The following PDHB variants were observed in gnomAD, a reference collection of about 807,000 sequenced individuals.
PDHB encodes the protein pyruvate dehydrogenase E1 component subunit beta, mitochondrial.
A neutral mutation model predicts 42.8 loss-of-function variants in PDHB; 17 were observed. The ratio of observed to expected loss-of-function variants is 0.40; its 90% CI spans 0.27 to 0.60. The LOEUF (loss-of-function observed/expected upper bound fraction) is 0.60. Among genes scored for constraint, PDHB ranks in the 20% least tolerant of loss-of-function variants. The pLI, the probability that PDHB is intolerant of heterozygous loss-of-function variation, is 0.46. For missense variants in PDHB, 322 were observed against 451.3 expected, an observed-to-expected ratio of 0.71 and a Z score of 2.60; for synonymous variants, 154 against 148.7, an observed-to-expected ratio of 1.04 and a Z score of -0.26.
chr3:58,432,157 G>C, intron 2 of PDHB, 173 bp from the exon 3 acceptor site: 1 of 649,450 alleles, frequency 1.5e-6, no homozygotes, highest in Non-Finnish European at 2.8e-6. Context: ...ACACATAGTT[G>C]GTCTTTGCAT....
chr3:58,428,661 T>TA, intron 8 of PDHB, 47 bp from the exon 9 acceptor site: 1 of 1,506,440 alleles, frequency 6.6e-7, no homozygotes, highest in Non-Finnish European at 9.2e-7. Context: ...GCAGCACAAA[T>TA]AGAGCCTTAT....
chr3:58,428,072 C>T lies in PDHB; in HGVS notation c.1042G>A (p.Asp348Asn), dbSNP rs773256169. 2 of 1,610,020 alleles carry T rather than the reference C, an allele frequency of 1.2e-6. No individual in the cohort carries two copies. Among genetic ancestry groups the T allele is most frequent in the African/African-American group, 2.7e-5 (2 of 74,854 alleles). Residue 348 changes from aspartate to asparagine, a missense_variant, in exon 10 of 10, where the codon GAC (aspartate) becomes AAC (asparagine). Coordinates refer to ENST00000302746, the MANE Select transcript of PDHB (RefSeq NM_000925.4). ...GTTTTCTTTATTGCAAATATGATGT[C>T]TTTGACCTGAGGTATAGAGTTGTCC... ...LEDNSIPQVK[D>N]IIFAIKKTLN...
chr3:58,428,231 C>A (rs1203715579), intron 9 of PDHB, 52 bp from the exon 10 acceptor site: 1 of 1,558,808 alleles, frequency 6.4e-7, no homozygotes, highest in Non-Finnish European at 8.8e-7. Flanking sequence ...CTGGGCACTA[C>A]CACCTTGGCA....
At chr3:58,432,586 A>G (rs113153897) in intron 2 of PDHB, 2,775 of 160,924 alleles carry the variant, frequency 0.017, 83 homozygotes, top group African/African-American at 0.063. Flanking sequence ...AATCCCAGCT[A>G]CTCGGGAGGC....
At position 58,430,133 on chromosome 3, in the gene PDHB, C is replaced by T. The variant is rs2062907636; in HGVS notation, c.695G>A (p.Arg232Lys). The change falls in exon 7 of 10, where the codon AGG (arginine) becomes AAG (lysine). Residue 232 changes from arginine to lysine, a missense_variant. Transcript: ENST00000302746. Reference protein sequence around the residue: ...LIPIGKAKIERQGTHITVVSH... With the variant: ...LIPIGKAKIEKQGTHITVVSH... ...ATATATCTTAGTTTTCTTACCTTGCCTTTCTATTTTGGCTTTTCCAATAGG... is the reference window on the plus strand; with the variant it reads ...ATATATCTTAGTTTTCTTACCTTGCTTTTCTATTTTGGCTTTTCCAATAGG... 6.3e-7 allele frequency: 1 copy of T among 1,584,386 alleles called. No homozygotes were observed. The highest frequency in any genetic ancestry group is 1.1e-5 in the South Asian group (1 of 90,298).
chr3:58,432,176 G>A, intron 2 of PDHB, 192 bp from the exon 3 acceptor site: 1 of 616,338 alleles, frequency 1.6e-6, no homozygotes, highest in East Asian at 2.9e-5. Flanking sequence ...ATGTGTTAAT[G>A]TACTGAGTGC....
At chr3:58,429,027 G>GT (rs1231896203) in intron 8 of PDHB, among the ~76,000 whole-genome samples, 1 of 152,094 alleles carries the variant, frequency 6.6e-6, no homozygotes, top group Non-Finnish European at 1.5e-5. Flanking sequence ...GCTAATTTTT[G>GT]TATTTTTAGT....
chr3:58,428,551 T>C lies in PDHB; in HGVS notation c.856A>G (p.Thr286Ala). 1 of 1,613,952 alleles carries C rather than the reference T, an allele frequency of 6.2e-7. No homozygotes were observed. The highest frequency in any genetic ancestry group is 1.1e-5 in the South Asian group (1 of 91,076). Residue 286 changes from threonine (T) to alanine (A), a missense_variant, in exon 9 of 10, where the codon ACA (threonine) becomes GCA (alanine). Coordinates refer to ENST00000302746, the MANE Select transcript of PDHB (RefSeq NM_000925.4). The stretch of plus-strand genomic sequence containing the variant: ...CCTTCCACAGTTACAAGATGATTTG[T>C]CTTCATGACACTGGCTTCTATGGTT... ...METIEASVMKTNHLVTVEGGW... is the reference protein window; with the variant it reads ...METIEASVMKANHLVTVEGGW...
At chr3:58,430,310 T>A in intron 6 of PDHB, 72 bp from the exon 7 acceptor site, 1 of 1,019,582 alleles carries the variant, frequency 9.8e-7, no homozygotes, top group Admixed American at 1.8e-5. Context: ...TAGAAAGCAA[T>A]ATCATTCATC....
intron 8 of PDHB, 187 bp from the exon 9 acceptor site, chr3:58,428,801 G>GT: frequency 1.6e-6 from 1 of 609,004 alleles, no homozygotes; most frequent in Non-Finnish European, 2.9e-6. Context: ...ACAAAGATCT[G>GT]TATGTCTACC....
rs888334126 is a variant in PDHB, at chr3:58,431,324, G to A, written c.303+269C>T. ...AGCACTTTGGGAGGCCAAGGCGGTC[G>A]GATCACTTGAGGCCAGGAGTTCAAG... On this transcript the variant is annotated intron_variant, in intron 5 of 9. Coordinates refer to ENST00000302746, the MANE Select transcript of PDHB (RefSeq NM_000925.4). This position sits in a 1 kb window ranked among gnomAD's most constrained non-coding sequence, Gnocchi z 4.4. 4.1e-5 allele frequency: 20 copies of A among 482,742 alleles called. No homozygotes were observed. The highest frequency in any genetic ancestry group is 4.1e-4 in the South Asian group (19 of 46,696). 29.9% of individuals were successfully genotyped at this position (482,742 alleles called of 1,614,324 possible). A position where few individuals can be genotyped will look rare whatever the true frequency, so the allele number is the denominator to read the frequency against.
At chr3:58,433,372 G>A in intron 2 of PDHB, 2 of 594,768 alleles carry the variant, frequency 3.4e-6, no homozygotes, top group Non-Finnish European at 6.0e-6. Flanking sequence ...GCAATTTAAA[G>A]AAAAAAACAT....
chr3:58,430,290 T>G (rs375893467), intron 6 of PDHB, 52 bp from the exon 7 acceptor site: 168 of 1,154,284 alleles, frequency 1.5e-4, no homozygotes, highest in Middle Eastern at 3.9e-4. Flanking sequence ...CCAGAATGAC[T>G]AAAACTGCAT....
chr3:58,429,601 G>T, intron 8 of PDHB, 107 bp downstream of exon 8: 1 of 801,240 alleles, frequency 1.2e-6, no homozygotes. Flanking sequence ...AGAAATGAGT[G>T]ACAAAGCAAG....
At position 58,431,299 on chromosome 3, in the gene PDHB, A is replaced by G; in HGVS notation, c.303+294T>C. 1 of 467,246 alleles carries G rather than the reference A, an allele frequency of 2.1e-6. No individual in the cohort carries two copies. The highest frequency in any genetic ancestry group is 3.9e-6 in the Non-Finnish European group (1 of 257,104). The allele number at this position is 467,246 out of a possible 1,614,324, so 28.9% of individuals were successfully genotyped here. A position where few individuals can be genotyped will look rare whatever the true frequency, so the allele number is the denominator to read the frequency against. ...CACAGTGGCTCACGCCTGTAATCCCAGCACTTTGGGAGGCCAAGGCGGTCG... is the reference window on the plus strand; with the variant it reads ...CACAGTGGCTCACGCCTGTAATCCCGGCACTTTGGGAGGCCAAGGCGGTCG... On this transcript the variant is annotated intron_variant, in intron 5 of 9. Transcript: ENST00000302746. This position sits in a 1 kb window ranked among gnomAD's most constrained non-coding sequence, Gnocchi z 4.4.
chr3:58,428,056 A>G lies in PDHB; in HGVS notation c.1058T>C (p.Ile353Thr). The G allele has an allele frequency of 6.2e-7, 1 of 1,608,466 alleles. No individual in the cohort carries two copies. Among genetic ancestry groups the G allele is most frequent in the Non-Finnish European group, 8.5e-7 (1 of 1,174,794 alleles). ...AAACTAAATATTTAATGTTTTCTTTATTGCAAATATGATGTCTTTGACCTG... is the reference window on the plus strand; with the variant it reads ...AAACTAAATATTTAATGTTTTCTTTGTTGCAAATATGATGTCTTTGACCTG... ...IPQVKDIIFA[I>T]KKTLNI is the part of the protein sequence containing the mutation. The change falls in exon 10 of 10, where the codon ATA (isoleucine) becomes ACA (threonine). Residue 353 changes from isoleucine (I) to threonine (T), a missense_variant. By Grantham distance (89) the Ile-to-Thr change is moderately conservative. Transcript: ENST00000302746.
chr3:58,431,880 G>A lies in PDHB; in HGVS notation c.201C>T (p.Tyr67=). The A allele has an allele frequency of 1.2e-6, 2 of 1,610,282 alleles. No homozygotes were observed. Among genetic ancestry groups the A allele is most frequent in the Non-Finnish European group, 1.7e-6 (2 of 1,176,514 alleles). Residue 67 remains tyrosine (Y), a synonymous_variant, in exon 3 of 10, where the codon TAC becomes TAT. Coordinates refer to ENST00000302746, the MANE Select transcript of PDHB (RefSeq NM_000925.4). The surrounding 1 kb of genome is among the most constrained non-coding windows in gnomAD (Gnocchi z 4.4). ...GEEVAQYDGA[Y]KVSRGLWKKY... ...AACTTTCATATATTTTAGTTACCTT[G>A]TATGCCCCATCATACTGGGCAACTT...
intron 2 of PDHB, chr3:58,432,289 G>A: frequency 2.5e-6 from 1 of 405,010 alleles, no homozygotes; most frequent in African/African-American, 2.0e-5. Flanking sequence ...GGAAGGAGAG[G>A]AGAATTAACA....
Position 58,431,080 on chromosome 3 carries a change from T to C in PDHB, c.304-138A>G, listed in dbSNP as rs1261127589. The C allele has an allele frequency of 2.3e-6, 2 of 875,802 alleles. No individual in the cohort carries two copies. Among genetic ancestry groups the C allele is most frequent in the Non-Finnish European group, 3.7e-6 (2 of 546,836 alleles). The allele number at this position is 875,802 out of a possible 1,614,324, so 54.3% of individuals were successfully genotyped here. On this transcript the variant is annotated intron_variant, in intron 5 of 9. Coordinates refer to ENST00000302746, the MANE Select transcript of PDHB (RefSeq NM_000925.4). This position sits in a 1 kb window ranked among gnomAD's most constrained non-coding sequence, Gnocchi z 4.4. ...ATTTTTTATGGACAGGGTCTCACTG[T>C]CACCCATGCTGGAGTGCAGTGGCAC...
Sources: gnomAD v4.1 joint callset for allele counts (sites outside exome capture counted in the v4.1 genomes callset) on GRCh38, gnomAD v4.1.1 for gene constraint, Gnocchi (gnomAD v3.1) non-coding constraint, MANE v1.5 for transcripts, NCBI Gene and HGNC (gene_info 2026-07-23, HGNC 2026-07-21) for gene names.